Variants in SYCE3 observed in about 807,000 individuals in gnomAD.
SYCE3 encodes testis highly expressed gene 2 protein.
Under a neutral mutation model 8.1 loss-of-function variants are expected in SYCE3, and 3 were observed. The ratio of observed to expected loss-of-function variants is 0.37; its 90% CI spans 0.17 to 0.96. The LOEUF is 0.96. SYCE3 is among the 40% of genes least tolerant of loss of function. The pLI, the probability that SYCE3 is intolerant of heterozygous loss-of-function variation, is 0.41. For missense variants in SYCE3, 83 were observed against 110.0 expected (o/e 0.75, Z 1.10); for synonymous variants, 36 against 38.7 (o/e 0.93, Z 0.26).
intron 2 of SYCE3, among the ~76,000 whole-genome samples, chr22:50,551,875 C>T (rs2069813076): frequency 6.6e-6 from 1 of 152,192 alleles, no homozygotes; most frequent in Admixed American, 6.5e-5. Flanking sequence ...CCACCTCCAC[C>T]TGGGCACCTC....
At chr22:50,560,150 G>A (rs1476078547) in intron 1 of SYCE3, among the ~76,000 whole-genome samples, 5 of 152,112 alleles carry the variant, frequency 3.3e-5, no homozygotes, top group African/African-American at 1.2e-4. Flanking sequence ...AGAGTCACAG[G>A]GGTATTTTAT....
At position 50,551,392 on chromosome 22, in the gene SYCE3, G is replaced by A. The variant is rs1179698840; in HGVS notation, c.120C>T (p.Thr40=). The A allele has an allele frequency of 6.5e-7, 1 of 1,549,776 alleles. No individual in the cohort carries two copies. Among genetic ancestry groups the A allele is most frequent in the Admixed American group, 2.0e-5 (1 of 50,998 alleles). The part of the protein sequence containing the change: ...EEMEKISVQA[T]WMAYDMVVMR... ...TCACCACCATGTCATAGGCCATCCA[G>A]GTCGCCTGCACTGCAACAAGCAGAC... is the stretch of plus-strand genomic sequence containing the variant. Residue 40 remains threonine (T), a synonymous_variant, in exon 3 of 3, where the codon ACC becomes ACT. Transcript: ENST00000406915.
chr22:50,559,489 G>A (rs2146598534), intron 1 of SYCE3, among the ~76,000 whole-genome samples: 1 of 152,322 alleles, frequency 6.6e-6, no homozygotes, highest in African/African-American at 2.4e-5. Context: ...CAAAGGTGAT[G>A]TGATTTGAAT....
In SYCE3 at chr22:50,551,349, G is replaced by C; in HGVS notation, c.163C>G (p.Leu55Val). 6.4e-7 allele frequency: 1 copy of C among 1,551,174 alleles called. No homozygotes were observed. The highest frequency in any genetic ancestry group is 8.7e-7 in the Non-Finnish European group (1 of 1,146,968). The change falls in exon 3 of 3, where the codon CTG (leucine) becomes GTG (valine). Residue 55 changes from leucine (L) to valine (V), a missense_variant. Leu to Val is a conservative substitution (Grantham distance 32, BLOSUM62 1). Transcript: ENST00000406915. Reference protein sequence around the residue: ...DMVVMRTNPTLAESMRRLEDA... With the variant: ...DMVVMRTNPTVAESMRRLEDA... ...TCCAGCCGACGCATGGACTCGGCCA[G>C]CGTAGGGTTGGTGCGCATCACCACC...
chr22:50,554,464 C>T (rs112756219), intron 2 of SYCE3, among the ~76,000 whole-genome samples: 3,090 of 152,134 alleles, frequency 0.02, 120 homozygotes, highest in African/African-American at 0.071. Flanking sequence ...GAGGCCAAGG[C>T]AGGTGGATCA....
chr22:50,558,473 C>G (rs959745023), intron 1 of SYCE3, among the ~76,000 whole-genome samples: 1 of 151,910 alleles, frequency 6.6e-6, no homozygotes, highest in Non-Finnish European at 1.5e-5. Flanking sequence ...TCCCCTCTTG[C>G]CGTCCTCCCT....
intron 1 of SYCE3, among the ~76,000 whole-genome samples, chr22:50,561,401 G>A (rs144055359): frequency 1.8e-4 from 28 of 152,144 alleles, no homozygotes; most frequent in Middle Eastern, 3.4e-3. Context: ...TAGAATTCAC[G>A]GCATTTCTTG....
chr22:50,558,625 C>T (rs1322798089), intron 1 of SYCE3, among the ~76,000 whole-genome samples: 1 of 152,062 alleles, frequency 6.6e-6, no homozygotes, highest in East Asian at 1.9e-4. Flanking sequence ...TGGAGCCATT[C>T]CACGTGCAGG....
At chr22:50,561,307 C>T (rs866322938) in intron 1 of SYCE3, among the ~76,000 whole-genome samples, 1 of 151,962 alleles carries the variant, frequency 6.6e-6, no homozygotes, top group Non-Finnish European at 1.5e-5. Flanking sequence ...CGGAGTGGCA[C>T]TGGATCTCAG....
intron 1 of SYCE3, among the ~76,000 whole-genome samples, chr22:50,559,665 T>A (rs2069895149): frequency 6.6e-6 from 1 of 152,128 alleles, no homozygotes; most frequent in African/African-American, 2.4e-5. Flanking sequence ...GCTTAGTCGG[T>A]CATGCCTGTA....
rs1208876153 is a variant in SYCE3, at chr22:50,551,319, C to A, written c.193G>T (p.Ala65Ser). ...LAESMRRLED[A>S]FVNCKEEMEK... The stretch of plus-strand genomic sequence containing the variant: ...ATCTCCTCCTTGCAGTTGACGAAGG[C>A]ATCCTCCAGCCGACGCATGGACTCG... Residue 65 changes from alanine to serine, a missense_variant, in exon 3 of 3, where the codon GCC becomes TCC. Coordinates refer to ENST00000406915, the MANE Select transcript of SYCE3 (RefSeq NM_001123225.3). The A allele has an allele frequency of 1.9e-6, 3 of 1,551,292 alleles. No homozygotes were observed. The highest frequency in any genetic ancestry group is 4.9e-5 in the East Asian group (2 of 40,902).
intron 1 of SYCE3, among the ~76,000 whole-genome samples, chr22:50,559,148 A>G (rs2069889445): frequency 6.8e-6 from 1 of 147,798 alleles, no homozygotes; most frequent in Non-Finnish European, 1.5e-5. Flanking sequence ...TTTTCTTGAG[A>G]CGGAGTCTCA....
chr22:50,560,358 G>A (rs868319132), intron 1 of SYCE3, among the ~76,000 whole-genome samples: 3 of 152,118 alleles, frequency 2.0e-5, no homozygotes, highest in East Asian at 1.9e-4. Context: ...GTGGTGGTGC[G>A]CACCTCCAGT....
chr22:50,551,422 C>T lies in SYCE3; in HGVS notation c.110-20G>A. ...CCTGCACTGCAACAAGCAGACAGGACTGGTCAGGCCACAGGGAGGGGCTGC... is the reference window on the plus strand; with the variant it reads ...CCTGCACTGCAACAAGCAGACAGGATTGGTCAGGCCACAGGGAGGGGCTGC... On this transcript the variant is annotated intron_variant, in intron 2 of 2. Transcript: ENST00000406915. 6.5e-7 allele frequency: 1 copy of T among 1,541,146 alleles called. No individual in the cohort carries two copies. Among genetic ancestry groups the T allele is most frequent in the South Asian group, 1.2e-5 (1 of 83,906 alleles).
At chr22:50,560,359 C>T (rs535785164) in intron 1 of SYCE3, among the ~76,000 whole-genome samples, 44 of 152,014 alleles carry the variant, frequency 2.9e-4, no homozygotes, top group Non-Finnish European at 5.4e-4. Context: ...TGGTGGTGCG[C>T]ACCTCCAGTC....
intron 2 of SYCE3, among the ~76,000 whole-genome samples, chr22:50,552,370 C>T (rs759568453): frequency 3.3e-5 from 5 of 152,252 alleles, no homozygotes; most frequent in African/African-American, 7.2e-5. Context: ...GTATCAATCT[C>T]GGCCGGGTGC....
intron 1 of SYCE3, among the ~76,000 whole-genome samples, chr22:50,561,299 G>C (rs2069912538): frequency 6.6e-6 from 1 of 152,088 alleles, no homozygotes; most frequent in South Asian, 2.1e-4. Flanking sequence ...GGCTGGGCCG[G>C]AGTGGCACTG....
At chr22:50,554,963 A>G (rs2069844973) in intron 2 of SYCE3, among the ~76,000 whole-genome samples, 1 of 151,602 alleles carries the variant, frequency 6.6e-6, no homozygotes, top group Non-Finnish European at 1.5e-5. Context: ...TCTACTAAAA[A>G]TACAAAAAAT....
At position 50,556,402 on chromosome 22, in the gene SYCE3, C is replaced by A. The variant is rs138319189; in HGVS notation, c.4G>T (p.Asp2Tyr). 4.2e-4 allele frequency: 653 copies of A among 1,550,564 alleles called. 3 individuals are homozygous for A. The African/African-American group carries it at 8.0e-3, about 19-fold the overall frequency. The change falls in exon 2 of 3, where the codon GAT (aspartate) becomes TAT (tyrosine). Residue 2 changes from aspartate to tyrosine, a missense_variant. By Grantham distance (160) the Asp-to-Tyr change is radical (BLOSUM62 -3). Transcript: ENST00000406915. MDDADPEERNYD... is the reference protein window; with the variant it reads MYDADPEERNYD... Reference sequence around the variant, plus strand: ...TTTCTTTCCTCAGGGTCAGCATCATCCATCTAGGCAATGCACAGAAAGAAG... The same window carrying A: ...TTTCTTTCCTCAGGGTCAGCATCATACATCTAGGCAATGCACAGAAAGAAG...
Sources: allele counts gnomAD v4.1 joint callset (sites outside exome capture counted in the v4.1 genomes callset), GRCh38; gene constraint gnomAD v4.1.1; transcripts MANE v1.5; gene names NCBI Gene and HGNC (gene_info 2026-07-23, HGNC 2026-07-21).